The following GUCY1A2 variants were observed in gnomAD, a reference collection of about 807,000 sequenced individuals.
The protein encoded by GUCY1A2 is guanylate cyclase 1 soluble subunit alpha 2.
Under a neutral mutation model 63.5 loss-of-function variants are expected in GUCY1A2, and 27 were observed. The ratio of observed to expected loss-of-function variants is 0.43; its 90% CI spans 0.31 to 0.59. The LOEUF is 0.59. Among genes scored for constraint, GUCY1A2 ranks in the 20% least tolerant of loss-of-function variants. GUCY1A2 has a pLI of 0.11. For synonymous variants in GUCY1A2, 364 were observed against 343.5 expected, an observed-to-expected ratio of 1.06 and a Z score of -0.66; for missense variants, 768 against 913.3, an observed-to-expected ratio of 0.84 and a Z score of 2.05.
At chr11:106,940,223 T>C (rs1860735260) in intron 3 of GUCY1A2, 45 bp from the exon 4 acceptor site, 1 of 863,586 alleles carries the variant, frequency 1.2e-6, no homozygotes, top group Admixed American at 2.2e-5. Flanking sequence ...CTAATATAAA[T>C]AATTGAATTT....
At chr11:106,705,864 A>T (rs891591571) in intron 7 of GUCY1A2, among the ~76,000 whole-genome samples, 1 of 152,152 alleles carries the variant, frequency 6.6e-6, no homozygotes, top group Non-Finnish European at 1.5e-5. Flanking sequence ...GTCTCAAAAA[A>T]AAGAAGGAAA....
chr11:106,883,862 A>G (rs981048480), intron 4 of GUCY1A2, among the ~76,000 whole-genome samples: 1 of 152,114 alleles, frequency 6.6e-6, no homozygotes, highest in African/African-American at 2.4e-5. Flanking sequence ...ACGCAGCCAT[A>G]AAAAAGGATG....
intron 4 of GUCY1A2, among the ~76,000 whole-genome samples, chr11:106,851,184 GTTTTT>G (rs35831765): frequency 1.3e-5 from 2 of 149,914 alleles, no homozygotes; most frequent in African/African-American, 4.9e-5. Flanking sequence ...TTTTAAATGG[GTTTTT>G]TTTTGTTTTG....
chr11:107,002,936 A>G (rs1861628341), intron 1 of GUCY1A2, among the ~76,000 whole-genome samples: 1 of 152,186 alleles, frequency 6.6e-6, no homozygotes, highest in Non-Finnish European at 1.5e-5. Context: ...CCATATTCCT[A>G]CATTCCCCTT....
chr11:106,944,879 A>T (rs1470017892), intron 3 of GUCY1A2, among the ~76,000 whole-genome samples: 4 of 152,182 alleles, frequency 2.6e-5, no homozygotes, highest in Non-Finnish European at 5.9e-5. Context: ...CTTTCTTATA[A>T]AATAGCAGAT....
intron 6 of GUCY1A2, among the ~76,000 whole-genome samples, chr11:106,754,919 C>G (rs1213430172): frequency 6.6e-6 from 1 of 152,128 alleles, no homozygotes; most frequent in Non-Finnish European, 1.5e-5. Context: ...GGAATAGTTT[C>G]AGAAGGAATG....
At chr11:106,992,775 G>C (rs955267163) in intron 1 of GUCY1A2, among the ~76,000 whole-genome samples, 6 of 152,012 alleles carry the variant, frequency 3.9e-5, no homozygotes, top group African/African-American at 1.5e-4. Context: ...ATATCAACAA[G>C]AAAACCTATA....
intron 4 of GUCY1A2, among the ~76,000 whole-genome samples, chr11:106,816,212 T>G (rs898760193): frequency 2.0e-5 from 2 of 98,404 alleles, no homozygotes; most frequent in Non-Finnish European, 2.1e-5. Context: ...ATGGAACATA[T>G]ACCGACCAAA....
chr11:107,004,820 G>A (rs926428283), intron 1 of GUCY1A2, among the ~76,000 whole-genome samples: 12 of 152,196 alleles, frequency 7.9e-5, no homozygotes, highest in African/African-American at 2.9e-4. Context: ...AGCAAAGGAT[G>A]TGGGTAGAGG....
rs1413455630 is a variant in GUCY1A2 at position 106,725,403 on chromosome 11, ACCTCGTGATCCGCCCGCC to A, written c.1837-16755_1837-16738del. On this transcript the variant is annotated intron_variant, in intron 6 of 7. Coordinates refer to ENST00000526355, the MANE Select transcript of GUCY1A2 (RefSeq NM_000855.3). ...TAGCCGGGATGGTCTCGATCTCCTG[ACCTCGTGATCCGCCCGCC>A]TCGGCCTCCCAAAGTGCGACATAAA... 6.4e-5 allele frequency among the ~76,000 whole-genome samples: 3 copies of A among 47,114 alleles called. 1 individual carries two copies. Among genetic ancestry groups the A allele is most frequent in the Admixed American group, 4.2e-4 (2 of 4,790 alleles). 30.9% of individuals were successfully genotyped at this position (47,114 alleles called of 152,430 possible). A position where few individuals can be genotyped will look rare whatever the true frequency, so the allele number is the denominator to read the frequency against.
chr11:106,813,087 A>T (rs1243386543), intron 4 of GUCY1A2, among the ~76,000 whole-genome samples: 2 of 152,050 alleles, frequency 1.3e-5, no homozygotes, highest in Non-Finnish European at 1.5e-5. Flanking sequence ...CTATTATAAG[A>T]ACTACATATT....
At chr11:106,888,373 G>A (rs1220982200) in intron 4 of GUCY1A2, among the ~76,000 whole-genome samples, 1 of 151,924 alleles carries the variant, frequency 6.6e-6, no homozygotes, top group African/African-American at 2.4e-5. Flanking sequence ...GCTGAGGCAA[G>A]AGAATGGCGT....
chr11:106,775,021 T>C (rs993791136), intron 6 of GUCY1A2, among the ~76,000 whole-genome samples: 1 of 152,200 alleles, frequency 6.6e-6, no homozygotes, highest in Non-Finnish European at 1.5e-5. Context: ...CAGGTATGTT[T>C]TTTCACATCT....
intron 7 of GUCY1A2, among the ~76,000 whole-genome samples, chr11:106,688,287 G>A (rs1336245094): frequency 6.6e-6 from 1 of 152,082 alleles, no homozygotes; most frequent in African/African-American, 2.4e-5. Flanking sequence ...ATATCTGCTT[G>A]CTGATTTCTA....
intron 6 of GUCY1A2, among the ~76,000 whole-genome samples, chr11:106,771,198 C>A (rs974876647): frequency 2.6e-5 from 4 of 152,026 alleles, no homozygotes; most frequent in Non-Finnish European, 2.9e-5. Flanking sequence ...CTTCCCTTTC[C>A]CTATCAACAG....
chr11:106,970,241 G>GT (rs1457435759), intron 3 of GUCY1A2, among the ~76,000 whole-genome samples: 1 of 152,082 alleles, frequency 6.6e-6, no homozygotes, highest in Non-Finnish European at 1.5e-5. Flanking sequence ...TCACCTCAAA[G>GT]TTACACTGAA....
chr11:106,751,153 T>G (rs533415333), intron 6 of GUCY1A2, among the ~76,000 whole-genome samples: 8 of 152,212 alleles, frequency 5.3e-5, no homozygotes, highest in Admixed American at 4.6e-4. Context: ...TACTTTTCAC[T>G]GCAAAGGTTG....
chr11:106,751,893 T>TTTATA (rs1335392437), intron 6 of GUCY1A2, among the ~76,000 whole-genome samples: 1 of 152,120 alleles, frequency 6.6e-6, no homozygotes, highest in African/African-American at 2.4e-5. Flanking sequence ...GCTGCAGAAT[T>TTTATA]TTATATATTT....
intron 3 of GUCY1A2, among the ~76,000 whole-genome samples, chr11:106,955,638 G>A (rs1860974180): frequency 6.6e-6 from 1 of 152,112 alleles, no homozygotes; most frequent in South Asian, 2.1e-4. Flanking sequence ...AATCTTTTCT[G>A]GCTTGTAGAG....
Sources: allele counts gnomAD v4.1 joint callset (sites outside exome capture counted in the v4.1 genomes callset), GRCh38; gene constraint gnomAD v4.1.1; transcripts MANE v1.5; gene names NCBI Gene and HGNC (gene_info 2026-07-23, HGNC 2026-07-21).